The following UHRF1 variants were observed in gnomAD, a reference collection of about 807,000 sequenced individuals.
The protein encoded by UHRF1 is ubiquitin like with PHD and ring finger domains 1.
A neutral mutation model predicts 96.5 loss-of-function variants in UHRF1; 9 were observed. The ratio of observed to expected loss-of-function variants is 0.09; its 90% CI spans 0.06 to 0.16. The LOEUF (loss-of-function observed/expected upper bound fraction) is 0.16. UHRF1 is among the 10% of genes least tolerant of loss of function. The probability of loss-of-function intolerance (pLI) is 1.00; values close to 1 mark genes in which losing one functional copy is unlikely to be tolerated. For synonymous variants in UHRF1, 455 were observed against 469.9 expected (o/e 0.97, Z 0.41); for missense variants, 626 against 1,131.1 (o/e 0.55, Z 6.40).
rs2033592917 is a variant in UHRF1 at position 4,947,312 on chromosome 19, G to T, written c.1517+101G>T. Reference sequence around the variant, plus strand: ...CCAGCAAGTGATAGTCTCATTAGGAGCGTGGTAGAACATAGCGAAGCCTGG... The same window carrying T: ...CCAGCAAGTGATAGTCTCATTAGGATCGTGGTAGAACATAGCGAAGCCTGG... On this transcript the variant is annotated intron_variant, in intron 11 of 16. Coordinates refer to ENST00000650932, the MANE Select transcript of UHRF1 (RefSeq NM_001048201.3). 3.6e-6 allele frequency: 4 copies of T among 1,098,770 alleles called. No individual in the cohort carries two copies. The African/African-American group carries it at 4.6e-5, about 13-fold the overall frequency. 68.1% of individuals were successfully genotyped at this position (1,098,770 alleles called of 1,614,324 possible).
chr19:4,909,356 C>T (rs1037932896), upstream of UHRF1: 2 of 606,856 alleles, frequency 3.3e-6, no homozygotes, highest in African/African-American at 2.0e-5. Flanking sequence ...GGCGGAGGCG[C>T]CGTGGACAGA....
chr19:4,934,393 C>T (rs1387154942), intron 5 of UHRF1, among the ~76,000 whole-genome samples: 5 of 152,140 alleles, frequency 3.3e-5, no homozygotes, highest in Non-Finnish European at 5.9e-5. Flanking sequence ...AACGCATTTA[C>T]GTTGTTACGC....
At chr19:4,917,718 C>T (rs1046009721) in intron 2 of UHRF1, among the ~76,000 whole-genome samples, 5 of 149,092 alleles carry the variant, frequency 3.4e-5, no homozygotes, top group Admixed American at 1.3e-4. Context: ...AGTGCAGCGG[C>T]GTGATCATGG....
upstream of UHRF1, among the ~76,000 whole-genome samples, chr19:4,906,160 G>A (rs1160350174): frequency 6.6e-6 from 1 of 151,876 alleles, no homozygotes; most frequent in African/African-American, 2.4e-5. Context: ...TTTATTTTTT[G>A]TAGAGAAGGG....
rs143462138 is a variant in UHRF1 at position 4,938,560 on chromosome 19, C to T, written c.786-2968C>T. Among the ~76,000 whole-genome samples the T allele has an allele frequency of 3.8e-3, 577 of 151,714 alleles. 5 individuals are homozygous for T. Among genetic ancestry groups the T allele is most frequent in the African/African-American group, 0.013 (525 of 41,352 alleles). On this transcript the variant is annotated intron_variant, in intron 5 of 16. Transcript: ENST00000650932. ...TTGTTTGTTTTGAGACAAGGTCTCACTCTGTCACCCATGCTGGAGTGCAGT... is the reference window on the plus strand; with the variant it reads ...TTGTTTGTTTTGAGACAAGGTCTCATTCTGTCACCCATGCTGGAGTGCAGT...
chr19:4,956,622 C>T, intron 15 of UHRF1, 87 bp from the exon 16 acceptor site: 1 of 815,586 alleles, frequency 1.2e-6, no homozygotes, highest in Non-Finnish European at 2.1e-6. Context: ...AATTAGAGGA[C>T]CCAGGTACAT....
chr19:4,917,067 CG>C (rs1276060922), intron 2 of UHRF1, among the ~76,000 whole-genome samples: 3 of 90,986 alleles, frequency 3.3e-5, no homozygotes, highest in East Asian at 3.3e-4. Context: ...GTGGGCAGCT[CG>C]GTGGGGGGGG....
At chr19:4,915,983 T>A (rs2032483520) in intron 2 of UHRF1, among the ~76,000 whole-genome samples, 1 of 152,084 alleles carries the variant, frequency 6.6e-6, no homozygotes, top group Admixed American at 6.6e-5. Flanking sequence ...GGAGCCTGTG[T>A]CTGTGTGGAT....
In UHRF1 at chr19:4,945,976, G is replaced by A. The variant is rs2033553070; in HGVS notation, c.1410+11G>A. The A allele has an allele frequency of 8.6e-7, 1 of 1,159,440 alleles. No individual in the cohort carries two copies. The allele number at this position is 1,159,440 out of a possible 1,614,324, so 71.8% of individuals were successfully genotyped here. A position where few individuals can be genotyped will look rare whatever the true frequency, so the allele number is the denominator to read the frequency against. ...TATGAGGATGATGTGGTGAGTGTGT[G>A]TGTGGGAGGGGTGGGGGAGGGTTGC... On this transcript the variant is annotated intron_variant, in intron 10 of 16. Coordinates refer to ENST00000650932, the MANE Select transcript of UHRF1 (RefSeq NM_001048201.3).
chr19:4,918,715 GTTTTTTTTTTT>G (rs536401524), intron 2 of UHRF1, among the ~76,000 whole-genome samples: 1 of 115,330 alleles, frequency 8.7e-6, no homozygotes, highest in East Asian at 2.4e-4. Flanking sequence ...TGCCCAGCTG[GTTTTTTTTTTT>G]TTTTTTTTTT....
At chr19:4,916,206 C>A (rs2032493570) in intron 2 of UHRF1, among the ~76,000 whole-genome samples, 1 of 151,016 alleles carries the variant, frequency 6.6e-6, no homozygotes, top group Non-Finnish European at 1.5e-5. Context: ...CTCGGGAGGC[C>A]AAGGTGGGAA....
chr19:4,933,216 A>G (rs262567), intron 5 of UHRF1, among the ~76,000 whole-genome samples: 82,881 of 151,778 alleles, frequency 0.55, 23,685 homozygotes, highest in African/African-American at 0.67. Flanking sequence ...GAGTTGTCAA[A>G]CTTCCTTTTT....
upstream of UHRF1, chr19:4,909,477 C>G (rs2032159259): frequency 3.1e-6 from 2 of 653,054 alleles, no homozygotes; most frequent in Non-Finnish European, 5.5e-6. Flanking sequence ...CTCCCAAATG[C>G]CGAGTTTTCG....
intron 2 of UHRF1, among the ~76,000 whole-genome samples, chr19:4,914,228 C>T (rs2032403566): frequency 6.6e-6 from 1 of 152,068 alleles, no homozygotes; most frequent in South Asian, 2.1e-4. Context: ...AGTGAGCTGG[C>T]AGCAGGGAGG....
At chr19:4,935,258 G>A (rs926675317) in intron 5 of UHRF1, among the ~76,000 whole-genome samples, 2 of 152,028 alleles carry the variant, frequency 1.3e-5, no homozygotes, top group African/African-American at 4.8e-5. Flanking sequence ...GTGAGCCACC[G>A]CACCCAGCCT....
chr19:4,921,682 A>C (rs1309206118), intron 2 of UHRF1, among the ~76,000 whole-genome samples: 1 of 149,966 alleles, frequency 6.7e-6, no homozygotes, highest in Non-Finnish European at 1.5e-5. Context: ...GCTTGAGCCC[A>C]GGAGGTCGAG....
chr19:4,958,613 G>A (rs1444825258), intron 16 of UHRF1, among the ~76,000 whole-genome samples: 1 of 152,246 alleles, frequency 6.6e-6, no homozygotes, highest in Admixed American at 6.5e-5. Context: ...GTTCCAACTT[G>A]GGAAGCTCAG....
intron 2 of UHRF1, among the ~76,000 whole-genome samples, chr19:4,917,666 A>AAG (rs1459062871): frequency 2.0e-5 from 3 of 150,514 alleles, no homozygotes; most frequent in African/African-American, 7.3e-5. Flanking sequence ...AAAAAAAAAA[A>AAG]AAAAAAAAAA....
chr19:4,941,085 GTTTTTTTTTTTT>G (rs869250736), intron 5 of UHRF1, among the ~76,000 whole-genome samples: 2 of 50,082 alleles, frequency 4.0e-5, no homozygotes, highest in Admixed American at 2.9e-4. Context: ...TCTGTGTTTT[GTTTTTTTTTTTT>G]TTTTTTTTTT....
Sources: gnomAD v4.1 joint callset for allele counts (sites outside exome capture counted in the v4.1 genomes callset) on GRCh38, gnomAD v4.1.1 for gene constraint, MANE v1.5 for transcripts, NCBI Gene and HGNC (gene_info 2026-07-23, HGNC 2026-07-21) for gene names.